HSD17B11: variants seen among roughly 807,000 people sequenced by gnomAD.
The protein encoded by HSD17B11 is hydroxysteroid 17-beta dehydrogenase 11, also known as estradiol 17-beta-dehydrogenase 11.
A neutral mutation model predicts 27.8 loss-of-function variants in HSD17B11; 22 were observed. That is an observed-to-expected ratio of 0.79 (90% confidence interval 0.56 to 1.13). The LOEUF is 1.13. Among genes scored for constraint, HSD17B11 ranks in the 50% most tolerant of loss-of-function variants. The probability of loss-of-function intolerance (pLI) is 0.00; values close to 1 mark genes in which losing one functional copy is unlikely to be tolerated. For missense variants in HSD17B11, 314 were observed against 351.1 expected (o/e 0.89, Z 0.84); for synonymous variants, 117 against 132.8 (o/e 0.88, Z 0.82).
chr4:87,340,574 A>ACCACTTC lies in HSD17B11; in HGVS notation c.721_727dup (p.Val243GlyfsTer13). ...CAGAATCCCATGCATCAGCCTGTTT[A>ACCACTTC]CCACTTCCTCAGGTTCCAGAGTGGG... On this transcript the variant is annotated frameshift_variant, in exon 6 of 7. Coordinates refer to ENST00000358290, the MANE Select transcript of HSD17B11 (RefSeq NM_016245.5). LOFTEE classifies it high-confidence loss of function. The ACCACTTC allele has an allele frequency of 1.2e-6, 2 of 1,613,266 alleles. No homozygotes were observed. Among genetic ancestry groups the ACCACTTC allele is most frequent in the Admixed American group, 3.3e-5 (2 of 59,874 alleles).
At position 87,382,332 on chromosome 4, in the gene HSD17B11, T is replaced by C. The variant is rs547450410; in HGVS notation, c.241A>G (p.Lys81Glu). Residue 81 changes from lysine (K) to glutamate (E), a missense_variant, in exon 2 of 7, where the codon AAG becomes GAG. Lys to Glu is a moderately conservative substitution (Grantham distance 56, BLOSUM62 1). Transcript: ENST00000358290. The part of the protein sequence containing the change: ...HGLEETAAKC[K>E]GLGAKVHTFV... ...GTATGAACCTTGGCACCCAGTCCCTTGCATTTGGCAGCTGTTTCCTCCAGT... is the reference window on the plus strand; with the variant it reads ...GTATGAACCTTGGCACCCAGTCCCTCGCATTTGGCAGCTGTTTCCTCCAGT... 57 of 1,613,880 alleles carry C rather than the reference T, an allele frequency of 3.5e-5. No homozygotes were observed. In the Admixed American group the frequency reaches 9.2e-4, roughly 26 times the overall value.
chr4:87,375,132 C>A (rs548628308), intron 2 of HSD17B11, among the ~76,000 whole-genome samples: 33 of 152,188 alleles, frequency 2.2e-4, no homozygotes, highest in Non-Finnish European at 5.9e-5. Context: ...CTCCTGATCT[C>A]AAGTGATCTG....
intron 5 of HSD17B11, among the ~76,000 whole-genome samples, chr4:87,342,414 A>C (rs2110112565): frequency 6.6e-6 from 1 of 151,658 alleles, no homozygotes; most frequent in East Asian, 1.9e-4. Flanking sequence ...TGAGGCAAAA[A>C]GTACTGGATG....
At chr4:87,343,729 G>A (rs942271397) in intron 5 of HSD17B11, among the ~76,000 whole-genome samples, 11 of 152,042 alleles carry the variant, frequency 7.2e-5, no homozygotes, top group Non-Finnish European at 1.5e-4. Context: ...TGTATTTTTA[G>A]TAGAGACGGG....
At chr4:87,388,692 G>C (rs1174106233) in intron 1 of HSD17B11, among the ~76,000 whole-genome samples, 2 of 152,092 alleles carry the variant, frequency 1.3e-5, no homozygotes, top group East Asian at 3.8e-4. Context: ...TATACAGTGT[G>C]GCATACTGCC....
chr4:87,354,136 G>C (rs572943241), intron 5 of HSD17B11, among the ~76,000 whole-genome samples: 1 of 152,210 alleles, frequency 6.6e-6, no homozygotes, highest in East Asian at 1.9e-4. Context: ...TTGGGGGCTT[G>C]AGATCTTTGG....
chr4:87,380,216 A>G (rs1720102129), intron 2 of HSD17B11, among the ~76,000 whole-genome samples: 1 of 151,346 alleles, frequency 6.6e-6, no homozygotes, highest in Non-Finnish European at 1.5e-5. Context: ...TAAGAAATAT[A>G]CAAATCCCAG....
chr4:87,390,366 T>C (rs944747801), intron 1 of HSD17B11, among the ~76,000 whole-genome samples: 36 of 152,134 alleles, frequency 2.4e-4, no homozygotes, highest in African/African-American at 8.7e-4. Flanking sequence ...TTCAGTGTGT[T>C]AGGATGGTCT....
Position 87,374,782 on chromosome 4 carries a change from C to A in HSD17B11, c.367G>T (p.Val123Leu), listed in dbSNP as rs1163349798. ...DVSILVNNAGVVYTSDLFATQ... is the reference protein window; with the variant it reads ...DVSILVNNAGLVYTSDLFATQ... Reference sequence around the variant, plus strand: ...GCAAACAAATCTGATGTATAGACTACACCAGCATTATTTACTAAAATACTA... The same window carrying A: ...GCAAACAAATCTGATGTATAGACTAAACCAGCATTATTTACTAAAATACTA... Residue 123 changes from valine (V) to leucine (L), a missense_variant, in exon 3 of 7, where the codon GTA becomes TTA. Val to Leu is a conservative substitution (Grantham distance 32). Transcript: ENST00000358290. 1 of 1,594,146 alleles carries A rather than the reference C, an allele frequency of 6.3e-7. No individual in the cohort carries two copies.
chr4:87,378,757 A>T (rs1425192524), intron 2 of HSD17B11, among the ~76,000 whole-genome samples: 1 of 136,388 alleles, frequency 7.3e-6, no homozygotes, highest in African/African-American at 2.7e-5. Flanking sequence ...AGCTCTCTCA[A>T]ATAAGAGAGA....
At position 87,371,003 on chromosome 4, in the gene HSD17B11, C is replaced by T. The variant is rs1259588443; in HGVS notation, c.557+1706G>A. Among the ~76,000 whole-genome samples, 5 of 137,378 alleles carry T rather than the reference C, an allele frequency of 3.6e-5. 1 individual carries two copies. Among genetic ancestry groups the T allele is most frequent in the African/African-American group, 6.2e-5 (2 of 32,220 alleles). The allele number at this position is 137,378 out of a possible 152,430, so 90.1% of individuals were successfully genotyped here. On this transcript the variant is annotated intron_variant, in intron 4 of 6. Coordinates refer to ENST00000358290, the MANE Select transcript of HSD17B11 (RefSeq NM_016245.5). ...TCCTGACCTCGTGATCCGCCCGCCT[C>T]GGCCTCCCAAAGTGCTGGGATTACA...
intron 5 of HSD17B11, among the ~76,000 whole-genome samples, chr4:87,341,917 G>A (rs187096841): frequency 1.4e-4 from 22 of 152,122 alleles, no homozygotes; most frequent in African/African-American, 4.1e-4. Flanking sequence ...TTACAGAAGT[G>A]CAATTAGAGA....
intron 2 of HSD17B11, among the ~76,000 whole-genome samples, chr4:87,376,459 C>T (rs1283967779): frequency 6.7e-5 from 9 of 134,688 alleles, no homozygotes; most frequent in Admixed American, 2.5e-4. Context: ...GAGCTGAGAT[C>T]GTGCCACTGT....
chr4:87,363,228 T>G (rs916234304), intron 4 of HSD17B11, among the ~76,000 whole-genome samples: 3 of 152,188 alleles, frequency 2.0e-5, no homozygotes, highest in Non-Finnish European at 2.9e-5. Context: ...AAGCCTGGCA[T>G]GCCAGCAAAA....
At chr4:87,382,897 T>C (rs1417191076) in intron 1 of HSD17B11, among the ~76,000 whole-genome samples, 5 of 152,142 alleles carry the variant, frequency 3.3e-5, no homozygotes, top group African/African-American at 1.2e-4. Context: ...CTCTGTGTAG[T>C]AGAAAGAAAC....
At position 87,390,836 on chromosome 4, in the gene HSD17B11, A is replaced by G. The variant is rs201417708; in HGVS notation, c.210+25T>C. On this transcript the variant is annotated intron_variant, in intron 1 of 6. Transcript: ENST00000358290. ...CATCCACAAATTAAAGGTACCAGAA[A>G]GTAAAACATAGTAAACACTGTTACC... is the stretch of plus-strand genomic sequence containing the variant. 26 of 1,596,600 alleles carry G rather than the reference A, an allele frequency of 1.6e-5. No individual in the cohort carries two copies. In the Admixed American group the frequency reaches 1.7e-4, roughly 10 times the overall value.
At position 87,337,297 on chromosome 4, in the gene HSD17B11, T is replaced by C. The variant is rs376354024; in HGVS notation, c.882A>G (p.Gly294=). Residue 294 remains glycine (G), a synonymous_variant, in exon 7 of 7, where the codon GGA becomes GGG. Transcript: ENST00000358290. ...GTGCTTATTGCGCTTTCATTTTATA[T>C]CCAATAACTGCATCAAACTTAACAC... ...KISVKFDAVI[G]YKMKAQ is the part of the protein sequence containing the mutation. 3 of 1,604,596 alleles carry C rather than the reference T, an allele frequency of 1.9e-6. No homozygotes were observed. The highest frequency in any genetic ancestry group is 2.7e-5 in the African/African-American group (2 of 74,708).
intron 1 of HSD17B11, among the ~76,000 whole-genome samples, chr4:87,388,099 C>T (rs1035518150): frequency 2.6e-5 from 4 of 151,258 alleles, no homozygotes; most frequent in African/African-American, 9.7e-5. Context: ...AATCTCTACA[C>T]CGGTACTGTC....
intron 4 of HSD17B11, among the ~76,000 whole-genome samples, chr4:87,370,978 T>A (rs1461412272): frequency 1.5e-5 from 2 of 129,846 alleles, no homozygotes; most frequent in East Asian, 2.0e-4. Flanking sequence ...GGTCTCGATC[T>A]CCTGACCTCG....
Sources: gnomAD v4.1 joint callset for allele counts (sites outside exome capture counted in the v4.1 genomes callset) on GRCh38, gnomAD v4.1.1 for gene constraint, MANE v1.5 for transcripts, NCBI Gene and HGNC (gene_info 2026-07-23, HGNC 2026-07-21) for gene names.